The following SIK2 variants were observed in gnomAD, a reference collection of about 807,000 sequenced individuals.
The protein encoded by SIK2 is salt inducible kinase 2.
A neutral mutation model predicts 103.2 loss-of-function variants in SIK2; 29 were observed. That is an observed-to-expected ratio of 0.28 (90% confidence interval 0.21 to 0.38). SIK2 has a LOEUF of 0.38. Among genes scored for constraint, SIK2 ranks in the 10% least tolerant of loss-of-function variants. The pLI, the probability that SIK2 is intolerant of heterozygous loss-of-function variation, is 1.00. For missense variants in SIK2, 879 were observed against 1,171.0 expected, an observed-to-expected ratio of 0.75 and a Z score of 3.64; for synonymous variants, 412 against 446.1, an observed-to-expected ratio of 0.92 and a Z score of 0.96.
At chr11:111,622,311 A>G (rs1333112948) in intron 3 of SIK2, among the ~76,000 whole-genome samples, 1 of 119,380 alleles carries the variant, frequency 8.4e-6, no homozygotes, top group Non-Finnish European at 1.6e-5. Flanking sequence ...GCTGGAGTGC[A>G]GTGGCACGAT....
intron 3 of SIK2, among the ~76,000 whole-genome samples, chr11:111,623,702 G>A (rs900549174): frequency 1.4e-4 from 22 of 152,208 alleles, no homozygotes; most frequent in African/African-American, 5.3e-4. Flanking sequence ...GCACCAGGCA[G>A]TGTTCTCTCT....
At chr11:111,643,237 G>T (rs1351887192) in intron 3 of SIK2, among the ~76,000 whole-genome samples, 2 of 152,130 alleles carry the variant, frequency 1.3e-5, no homozygotes, top group African/African-American at 4.8e-5. Flanking sequence ...TAAATGATGA[G>T]TAGGATTTGT....
chr11:111,655,501 A>G (rs1460865252), intron 3 of SIK2, among the ~76,000 whole-genome samples: 1 of 152,258 alleles, frequency 6.6e-6, no homozygotes, highest in Admixed American at 6.5e-5. Flanking sequence ...AGGCAATATC[A>G]GTAATTTTTA....
intron 3 of SIK2, among the ~76,000 whole-genome samples, chr11:111,666,200 C>T (rs1942539208): frequency 6.6e-6 from 1 of 152,198 alleles, no homozygotes; most frequent in Admixed American, 6.5e-5. Flanking sequence ...GGCATGAAAT[C>T]AGCATAGTTA....
chr11:111,679,321 G>C (rs1428211057), intron 3 of SIK2, among the ~76,000 whole-genome samples: 1 of 152,162 alleles, frequency 6.6e-6, no homozygotes, highest in African/African-American at 2.4e-5. Context: ...ATTCTCAGAA[G>C]ACCATGGTTT....
chr11:111,689,959 T>C (rs1942905668), intron 4 of SIK2, among the ~76,000 whole-genome samples: 1 of 150,386 alleles, frequency 6.6e-6, no homozygotes, highest in Non-Finnish European at 1.5e-5. Context: ...TAATTTGTTA[T>C]ATTCATTTGT....
At chr11:111,622,117 C>G (rs548636746) in intron 3 of SIK2, among the ~76,000 whole-genome samples, 2 of 151,858 alleles carry the variant, frequency 1.3e-5, no homozygotes, top group South Asian at 4.2e-4. Flanking sequence ...AAACAATTAT[C>G]TTTTCAAGAG....
rs1268915277 is a variant in SIK2 at position 111,723,669 on chromosome 11, T to C, written c.2321T>C (p.Leu774Pro). The change falls in exon 15 of 15, where the codon CTG (leucine) becomes CCG (proline). Residue 774 changes from leucine (L) to proline (P), a missense_variant. This residue lies in a region of SIK2 where 375 missense variants were observed against 416.3 expected (regional missense o/e 0.90). Coordinates refer to ENST00000304987, the MANE Select transcript of SIK2 (RefSeq NM_015191.3). The stretch of plus-strand genomic sequence containing the variant: ...CCACCGTTCAGCCTGACCCAGCCCC[T>C]GAGCCCCGTCCTGGAGCCTTCCTCC... ...QAPPFSLTQP[L>P]SPVLEPSSEQ... 6.2e-7 allele frequency: 1 copy of C among 1,613,442 alleles called. No homozygotes were observed. Among genetic ancestry groups the C allele is most frequent in the Non-Finnish European group, 8.5e-7 (1 of 1,179,926 alleles).
chr11:111,661,815 C>T (rs567321650), intron 3 of SIK2, among the ~76,000 whole-genome samples: 5 of 152,244 alleles, frequency 3.3e-5, no homozygotes, highest in African/African-American at 1.2e-4. Flanking sequence ...CATCGGATCT[C>T]GTGAAACTTA....
At chr11:111,639,070 A>G (rs1942147711) in intron 3 of SIK2, among the ~76,000 whole-genome samples, 1 of 152,114 alleles carries the variant, frequency 6.6e-6, no homozygotes, top group African/African-American at 2.4e-5. Context: ...GGTCCTTCTA[A>G]GGTTTCTACT....
intron 4 of SIK2, among the ~76,000 whole-genome samples, chr11:111,696,730 A>G (rs758461717): frequency 5.3e-5 from 8 of 152,208 alleles, no homozygotes; most frequent in Non-Finnish European, 1.2e-4. Context: ...GTGTTGTTGC[A>G]AGACTTCTGT....
chr11:111,653,120 G>A (rs552814534), intron 3 of SIK2, among the ~76,000 whole-genome samples: 1 of 152,200 alleles, frequency 6.6e-6, no homozygotes, highest in South Asian at 2.1e-4. Flanking sequence ...GCACTACCAG[G>A]GCTGAGGGTC....
intron 3 of SIK2, among the ~76,000 whole-genome samples, chr11:111,668,314 A>G (rs1346983341): frequency 1.3e-5 from 2 of 152,212 alleles, no homozygotes; most frequent in Non-Finnish European, 2.9e-5. Context: ...TATTCCATAT[A>G]GTATGATTAT....
chr11:111,709,089 G>A (rs1481788303), intron 8 of SIK2, among the ~76,000 whole-genome samples: 3 of 152,208 alleles, frequency 2.0e-5, no homozygotes, highest in African/African-American at 4.8e-5. Flanking sequence ...CTTAAACAAC[G>A]GAAATTATTT....
intron 10 of SIK2, among the ~76,000 whole-genome samples, 171 bp downstream of exon 10, chr11:111,720,174 G>A (rs1943759249): frequency 6.6e-6 from 1 of 152,208 alleles, no homozygotes; most frequent in Admixed American, 6.5e-5. Flanking sequence ...AGCTATCAAA[G>A]GTGAATTGAA....
rs746878468 is a variant in SIK2, at chr11:111,727,083, C to T, written c.*2954C>T. The T allele has an allele frequency of 5.7e-5, 91 of 1,595,468 alleles. No individual in the cohort carries two copies. Among genetic ancestry groups the T allele is most frequent in the East Asian group, 1.8e-4 (8 of 44,774 alleles). On this transcript the variant is annotated 3_prime_UTR_variant, in exon 15 of 15. Transcript: ENST00000304987. ...CTGTAAGGCAAACAGCATGTTAGCC[C>T]GACAGGAAGAGGGGGCCCACTTTCA...
chr11:111,639,731 T>G (rs1942156159), intron 3 of SIK2, among the ~76,000 whole-genome samples: 1 of 152,184 alleles, frequency 6.6e-6, no homozygotes, highest in Non-Finnish European at 1.5e-5. Flanking sequence ...ATTGTTATAC[T>G]CTCTCCTGCT....
chr11:111,682,048 T>C (rs556175665), intron 3 of SIK2, among the ~76,000 whole-genome samples: 103 of 152,136 alleles, frequency 6.8e-4, no homozygotes, highest in Non-Finnish European at 1.1e-3. Flanking sequence ...AACCATGATA[T>C]TAGGAGAAAG....
intron 3 of SIK2, among the ~76,000 whole-genome samples, chr11:111,622,942 C>A (rs1387616885): frequency 6.6e-6 from 1 of 152,076 alleles, no homozygotes; most frequent in African/African-American, 2.4e-5. Flanking sequence ...TGTGACTATA[C>A]TCTTTTCATC....
Sources: gnomAD v4.1 joint callset for allele counts (sites outside exome capture counted in the v4.1 genomes callset) on GRCh38, gnomAD v4.1.1 for gene constraint, gnomAD v4.1.1 regional missense constraint, MANE v1.5 for transcripts, NCBI Gene and HGNC (gene_info 2026-07-23, HGNC 2026-07-21) for gene names.